FGF2: variants seen among roughly 807,000 people sequenced by gnomAD.
FGF2 encodes the protein basic fibroblast growth factor bFGF.
In FGF2, 13 loss-of-function variants were observed where a neutral mutation model predicts 15.9. The observed-to-expected ratio is 0.82, with a 90% confidence interval of 0.53 to 1.30. The LOEUF is 1.30. Ranked by LOEUF, FGF2 falls within the 50% of genes most tolerant of loss-of-function variation. The pLI, the probability that FGF2 is intolerant of heterozygous loss-of-function variation, is 0.00. For missense variants in FGF2, 163 were observed against 196.9 expected (o/e 0.83, Z 1.03); for synonymous variants, 90 against 78.4 (o/e 1.15, Z -0.78).
Position 122,827,580 on chromosome 4 carries a change from C to G in FGF2, c.178+228C>G, listed in dbSNP as rs1340073975. ...TGGGCTTTGGGGTGTGCCAATTTGC[C>G]CTGTAAACCAGTACCCCCGGCCCGG... On this transcript the variant is annotated intron_variant, in intron 1 of 2. Transcript: ENST00000644866. This position sits in a 1 kb window ranked among gnomAD's most constrained non-coding sequence, Gnocchi z 4.2. Among the ~76,000 whole-genome samples, 1 of 152,020 alleles carries G rather than the reference C, an allele frequency of 6.6e-6. No individual in the cohort carries two copies. Among genetic ancestry groups the G allele is most frequent in the East Asian group, 1.9e-4 (1 of 5,136 alleles).
chr4:122,883,708 T>C (rs1727003729), intron 2 of FGF2, among the ~76,000 whole-genome samples: 1 of 152,206 alleles, frequency 6.6e-6, no homozygotes, highest in African/African-American at 2.4e-5. Flanking sequence ...AATGTTAGCA[T>C]TGGTATGAAA....
intron 1 of FGF2, among the ~76,000 whole-genome samples, chr4:122,866,905 T>C (rs1726608228): frequency 1.3e-5 from 2 of 152,218 alleles, no homozygotes; most frequent in South Asian, 4.1e-4. Flanking sequence ...GTTATTTACG[T>C]AGCCAAAAAG....
At chr4:122,872,766 A>C (rs888338943) in intron 1 of FGF2, among the ~76,000 whole-genome samples, 3 of 152,212 alleles carry the variant, frequency 2.0e-5, no homozygotes, top group Non-Finnish European at 4.4e-5. Flanking sequence ...TTTCATATCC[A>C]GCCACACTAA....
At chr4:122,880,006 C>T (rs1305528866) in intron 2 of FGF2, among the ~76,000 whole-genome samples, 2 of 152,174 alleles carry the variant, frequency 1.3e-5, no homozygotes, top group East Asian at 1.9e-4. Flanking sequence ...CCAACAGTCT[C>T]CCAAAGTCGT....
chr4:122,850,261 CA>C (rs540222625), intron 1 of FGF2, among the ~76,000 whole-genome samples: 8,884 of 111,908 alleles, frequency 0.079, 621 homozygotes, highest in African/African-American at 0.21. Context: ...GACTCTGTCT[CA>C]AAAAAAAAAA....
chr4:122,833,716 T>G (rs1479455888), intron 1 of FGF2, among the ~76,000 whole-genome samples: 1 of 152,200 alleles, frequency 6.6e-6, no homozygotes, highest in Non-Finnish European at 1.5e-5. Flanking sequence ...AAATAACTAC[T>G]CATGAGGCAT....
Position 122,870,193 on chromosome 4 carries a change from G to A in FGF2, c.179-6128G>A, listed in dbSNP as rs551249785. On this transcript the variant is annotated intron_variant, in intron 1 of 2. Coordinates refer to ENST00000644866, the MANE Select transcript of FGF2 (RefSeq NM_001361665.2). ...TCCCAGGGATGAAGTCGACTTGATCGCAGCGGATAAGTTTTTTCATGTGTT... is the reference window on the plus strand; with the variant it reads ...TCCCAGGGATGAAGTCGACTTGATCACAGCGGATAAGTTTTTTCATGTGTT... Among the ~76,000 whole-genome samples the A allele has an allele frequency of 9.9e-5, 15 of 152,252 alleles. No homozygotes were observed. The South Asian group carries it at 2.3e-3, about 23-fold the overall frequency.
intron 1 of FGF2, among the ~76,000 whole-genome samples, chr4:122,870,504 G>A (rs2150781092): frequency 6.6e-6 from 1 of 152,268 alleles, no homozygotes; most frequent in East Asian, 1.9e-4. Flanking sequence ...CTCAATTTCA[G>A]AGCTTGTTAT....
chr4:122,849,267 C>T (rs750588519), intron 1 of FGF2, among the ~76,000 whole-genome samples: 7 of 152,140 alleles, frequency 4.6e-5, no homozygotes, highest in Non-Finnish European at 1.0e-4. Context: ...GAATACTATG[C>T]AGCCACAAAA....
intron 2 of FGF2, 83 bp from the exon 3 acceptor site, chr4:122,892,128 T>A (rs1727203796): frequency 1.6e-6 from 2 of 1,217,374 alleles, no homozygotes; most frequent in Non-Finnish European, 2.4e-6. Flanking sequence ...AGAATAGGCA[T>A]TATACTATCA....
intron 2 of FGF2, among the ~76,000 whole-genome samples, chr4:122,885,134 C>T (rs1727031598): frequency 1.3e-5 from 2 of 152,166 alleles, no homozygotes; most frequent in Non-Finnish European, 1.5e-5. Context: ...TAAAGTTAAA[C>T]CATATTCTGT....
intron 1 of FGF2, among the ~76,000 whole-genome samples, chr4:122,833,851 C>A (rs984091955): frequency 1.3e-5 from 2 of 152,036 alleles, no homozygotes; most frequent in African/African-American, 2.4e-5. Flanking sequence ...GGAAACATTT[C>A]GGAATTTTGG....
chr4:122,839,301 A>G (rs148871512), intron 1 of FGF2, among the ~76,000 whole-genome samples: 22 of 152,324 alleles, frequency 1.4e-4, no homozygotes, highest in African/African-American at 4.8e-4. Flanking sequence ...TTTTCAAAGT[A>G]TAGTTAGGCT....
At chr4:122,880,497 C>G (rs1726940949) in intron 2 of FGF2, among the ~76,000 whole-genome samples, 1 of 152,146 alleles carries the variant, frequency 6.6e-6, no homozygotes, top group African/African-American at 2.4e-5. Flanking sequence ...ATCTTCCCCC[C>G]TTGGCCTCCC....
intron 2 of FGF2, among the ~76,000 whole-genome samples, chr4:122,880,106 A>G (rs1726931836): frequency 6.6e-6 from 1 of 152,198 alleles, no homozygotes; most frequent in Admixed American, 6.5e-5. Flanking sequence ...CTGTAAAATC[A>G]AAAGCAAGTT....
chr4:122,854,972 C>T (rs1178047350), intron 1 of FGF2, among the ~76,000 whole-genome samples: 5 of 152,124 alleles, frequency 3.3e-5, no homozygotes, highest in Admixed American at 3.3e-4. Flanking sequence ...GCCTTTCCCC[C>T]AAAGCTCCTC....
intron 1 of FGF2, among the ~76,000 whole-genome samples, chr4:122,861,787 T>C (rs1726475745): frequency 6.6e-6 from 1 of 152,194 alleles, no homozygotes; most frequent in Non-Finnish European, 1.5e-5. Context: ...CACTCCATGC[T>C]ACCTAATTGC....
chr4:122,850,946 T>C (rs1726218818), intron 1 of FGF2, among the ~76,000 whole-genome samples: 1 of 152,178 alleles, frequency 6.6e-6, no homozygotes, highest in Non-Finnish European at 1.5e-5. Flanking sequence ...CTATAGCTAT[T>C]AACTATGTCT....
At chr4:122,889,578 C>T (rs1727127040) in intron 2 of FGF2, among the ~76,000 whole-genome samples, 1 of 152,028 alleles carries the variant, frequency 6.6e-6, no homozygotes, top group East Asian at 1.9e-4. Context: ...TAAATTTTGG[C>T]CCTACTACTC....
Sources: allele counts gnomAD v4.1 joint callset (sites outside exome capture counted in the v4.1 genomes callset), GRCh38; gene constraint gnomAD v4.1.1; non-coding constraint Gnocchi (gnomAD v3.1); transcripts MANE v1.5; gene names NCBI Gene and HGNC (gene_info 2026-07-23, HGNC 2026-07-21).